Variants in SLC8A3 observed in about 807,000 individuals in gnomAD.
The protein encoded by SLC8A3 is solute carrier family 8 member A3, also known as sodium/calcium exchanger 3.
A neutral mutation model predicts 65.4 loss-of-function variants in SLC8A3; 37 were observed. The ratio of observed to expected loss-of-function variants is 0.57; its 90% CI spans 0.44 to 0.74. SLC8A3 has a LOEUF of 0.74. SLC8A3 is among the 30% of genes least tolerant of loss of function. The pLI is 0.00. For missense variants in SLC8A3, 1,112 were observed against 1,172.1 expected (o/e 0.95, Z 0.75); for synonymous variants, 461 against 444.5 (o/e 1.04, Z -0.47).
chr14:70,167,287 T>C lies in SLC8A3; in HGVS notation c.1136A>G (p.Lys379Arg), dbSNP rs1897232931. The change falls in exon 2 of 7, where the codon AAG (lysine) becomes AGG (arginine). Residue 379 changes from lysine to arginine, a missense_variant. Physicochemically the swap from Lys to Arg is conservative, Grantham distance 26 (BLOSUM62 2). Coordinates refer to ENST00000356921, the MANE Select transcript of SLC8A3 (RefSeq NM_182932.3). Reference sequence around the variant, plus strand: ...GTGCACCTCGCTCATGCTGGAGGCCTTCTTGGCTTGTTCTGCTGCATGTTT... The same window carrying C: ...GTGCACCTCGCTCATGCTGGAGGCCCTCTTGGCTTGTTCTGCTGCATGTTT... ...LKKHAAEQAK[K>R]ASSMSEVHTD... 2 of 1,614,214 alleles carry C rather than the reference T, an allele frequency of 1.2e-6. No homozygotes were observed. Among genetic ancestry groups the C allele is most frequent in the Non-Finnish European group, 1.7e-6 (2 of 1,180,040 alleles).
At chr14:70,063,916 T>C in intron 2 of SLC8A3, 3 of 1,601,730 alleles carry the variant, frequency 1.9e-6, no homozygotes, top group Non-Finnish European at 2.6e-6. Context: ...ATTACCTTGA[T>C]GTGAATTGTT....
chr14:70,063,796 G>T (rs914540447), intron 2 of SLC8A3: 17 of 1,174,548 alleles, frequency 1.4e-5, no homozygotes, highest in Non-Finnish European at 1.9e-5. Context: ...GAATGTTAGT[G>T]TTAGTGTGGA....
chr14:70,096,314 G>T (rs1892175083), intron 2 of SLC8A3, among the ~76,000 whole-genome samples: 1 of 152,176 alleles, frequency 6.6e-6, no homozygotes, highest in African/African-American at 2.4e-5. Flanking sequence ...CATTGTCACT[G>T]GTTGTTCCTA....
chr14:70,047,958 G>A (rs892496661), intron 6 of SLC8A3: 2 of 152,274 alleles, frequency 1.3e-5, no homozygotes, highest in African/African-American at 4.8e-5. Context: ...GTAGTTGAGA[G>A]TTGCCTCCTT....
intron 3 of SLC8A3, among the ~76,000 whole-genome samples, chr14:70,052,379 T>C (rs191144253): frequency 6.6e-6 from 1 of 152,298 alleles, no homozygotes; most frequent in African/African-American, 2.4e-5. Flanking sequence ...TCCTGAGAAA[T>C]AGCATCAAGT....
intron 2 of SLC8A3, among the ~76,000 whole-genome samples, chr14:70,133,264 T>C (rs1286591976): frequency 6.6e-6 from 1 of 152,114 alleles, no homozygotes; most frequent in Non-Finnish European, 1.5e-5. Flanking sequence ...ATGCAAATGA[T>C]GCTGAACTCT....
chr14:70,160,478 T>C (rs1347532904), intron 2 of SLC8A3, among the ~76,000 whole-genome samples: 3 of 152,180 alleles, frequency 2.0e-5, no homozygotes, highest in Non-Finnish European at 2.9e-5. Flanking sequence ...GCCTAGGTCA[T>C]ATGCCAAATA....
chr14:70,154,147 C>T (rs61978179), intron 2 of SLC8A3, among the ~76,000 whole-genome samples: 11 of 152,098 alleles, frequency 7.2e-5, no homozygotes, highest in African/African-American at 1.4e-4. Context: ...AAAGAAGAAA[C>T]GTAGAATGCA....
intron 2 of SLC8A3, among the ~76,000 whole-genome samples, chr14:70,078,988 T>C (rs974338965): frequency 6.6e-6 from 1 of 152,238 alleles, no homozygotes; most frequent in African/African-American, 2.4e-5. Context: ...TCCCTTTCAC[T>C]GAAGTCATCA....
intron 3 of SLC8A3, among the ~76,000 whole-genome samples, chr14:70,055,424 G>A (rs1389999815): frequency 6.6e-6 from 1 of 151,962 alleles, no homozygotes; most frequent in Non-Finnish European, 1.5e-5. Flanking sequence ...ATTATATTAG[G>A]AGATTCCAGC....
chr14:70,091,432 C>G (rs977600798), intron 2 of SLC8A3, among the ~76,000 whole-genome samples: 1 of 152,132 alleles, frequency 6.6e-6, no homozygotes, highest in Non-Finnish European at 1.5e-5. Flanking sequence ...TCCTACAAAC[C>G]CTGGCTCTTC....
intron 2 of SLC8A3, among the ~76,000 whole-genome samples, chr14:70,165,612 C>T (rs983635637): frequency 6.6e-6 from 1 of 152,230 alleles, no homozygotes; most frequent in Non-Finnish European, 1.5e-5. Context: ...CCAAGAAAGT[C>T]TACTTTCTCA....
chr14:70,057,928 A>C (rs1322222633), intron 3 of SLC8A3, among the ~76,000 whole-genome samples: 15 of 152,158 alleles, frequency 9.9e-5, no homozygotes. Flanking sequence ...TTCTATCCGA[A>C]GGCTTCCAAT....
At chr14:70,064,519 G>T (rs1342772450) in intron 2 of SLC8A3, among the ~76,000 whole-genome samples, 1 of 150,106 alleles carries the variant, frequency 6.7e-6, no homozygotes, top group Non-Finnish European at 1.5e-5. Flanking sequence ...TTCTATGGGA[G>T]CCGGCGGGAG....
intron 3 of SLC8A3, among the ~76,000 whole-genome samples, chr14:70,058,060 C>T (rs970758693): frequency 3.9e-5 from 6 of 152,134 alleles, no homozygotes. Flanking sequence ...CCCTTTTTTC[C>T]ATCCCCCAGC....
intron 5 of SLC8A3, among the ~76,000 whole-genome samples, chr14:70,049,835 C>G (rs1887273473): frequency 6.6e-6 from 1 of 152,200 alleles, no homozygotes; most frequent in African/African-American, 2.4e-5. Flanking sequence ...CGAGAATATA[C>G]TGCAGAGCCA....
intron 2 of SLC8A3, among the ~76,000 whole-genome samples, chr14:70,075,828 C>T (rs887952812): frequency 2.6e-5 from 4 of 152,184 alleles, no homozygotes; most frequent in Admixed American, 1.3e-4. Context: ...CATAATCCAA[C>T]CTAGGAATTC....
At chr14:70,066,537 G>A (rs553491392) in intron 2 of SLC8A3, among the ~76,000 whole-genome samples, 4 of 152,020 alleles carry the variant, frequency 2.6e-5, no homozygotes, top group South Asian at 2.1e-4. Flanking sequence ...TTTGGCCAGC[G>A]CGGTGCCTCA....
At chr14:70,145,795 C>T (rs777624921) in intron 2 of SLC8A3, among the ~76,000 whole-genome samples, 1 of 152,182 alleles carries the variant, frequency 6.6e-6, no homozygotes, top group Non-Finnish European at 1.5e-5. Flanking sequence ...TGCTGCACCC[C>T]AGCACACAGC....
Sources: gnomAD v4.1 joint callset for allele counts (sites outside exome capture counted in the v4.1 genomes callset) on GRCh38, gnomAD v4.1.1 for gene constraint, MANE v1.5 for transcripts, NCBI Gene and HGNC (gene_info 2026-07-23, HGNC 2026-07-21) for gene names.